NDFIP2: variants seen among roughly 807,000 people sequenced by gnomAD.
NDFIP2 encodes the protein NEDD4 family-interacting protein 2.
A neutral mutation model predicts 36.0 loss-of-function variants in NDFIP2; 19 were observed. That is an observed-to-expected ratio of 0.53 (90% CI 0.37 to 0.77). The LOEUF is 0.77. Among genes scored for constraint, NDFIP2 ranks in the 30% least tolerant of loss-of-function variants. The probability of loss-of-function intolerance (pLI) is 0.00; values close to 1 mark genes in which losing one functional copy is unlikely to be tolerated. For missense variants in NDFIP2, 446 were observed against 435.8 expected, an observed-to-expected ratio of 1.02 and a Z score of -0.21; for synonymous variants, 181 against 167.7, an observed-to-expected ratio of 1.08 and a Z score of -0.61.
chr13:79,526,271 A>T (rs1408682242), intron 2 of NDFIP2, among the ~76,000 whole-genome samples: 1 of 152,210 alleles, frequency 6.6e-6, no homozygotes, highest in Non-Finnish European at 1.5e-5. Context: ...TTTTTTGGCC[A>T]TGTTGAATTT....
Position 79,543,663 on chromosome 13 carries a change from A to G in NDFIP2, c.821A>G (p.Lys274Arg). Residue 274 changes from lysine to arginine, a missense_variant, in exon 5 of 8, where the codon AAA (lysine) becomes AGA (arginine). Physicochemically the swap from Lys to Arg is conservative, Grantham distance 26. Around this residue, in one of 2 missense-constraint regions of NDFIP2, gnomAD observed 77 missense variants for 131.0 expected, o/e 0.59. Transcript: ENST00000218652. ...AICGFGLSLI[K>R]WILIVRFSDY... ...TGCGGATTTGGCCTTTCCTTGATCA[A>G]ATGGATCCTTATTGTCAGGGTGAGT... 1 of 1,613,856 alleles carries G rather than the reference A, an allele frequency of 6.2e-7. No individual in the cohort carries two copies. The highest frequency in any genetic ancestry group is 8.5e-7 in the Non-Finnish European group (1 of 1,179,870).
chr13:79,523,282 G>A (rs9530932), intron 2 of NDFIP2, among the ~76,000 whole-genome samples: 3 of 152,030 alleles, frequency 2.0e-5, no homozygotes, highest in African/African-American at 2.4e-5. Flanking sequence ...GTGCAATGGC[G>A]TGATCTTGGC....
chr13:79,537,667 T>G (rs977631617), intron 3 of NDFIP2, among the ~76,000 whole-genome samples: 1 of 152,204 alleles, frequency 6.6e-6, no homozygotes, highest in African/African-American at 2.4e-5. Context: ...GTTTTTTTAT[T>G]TCAGGATAGC....
chr13:79,546,621 A>G, intron 5 of NDFIP2, among the ~76,000 whole-genome samples: 1 of 152,164 alleles, frequency 6.6e-6, no homozygotes, highest in East Asian at 1.9e-4. Context: ...AATGAGTCCA[A>G]AAGCATTTCT....
intron 1 of NDFIP2, among the ~76,000 whole-genome samples, chr13:79,491,369 G>A (rs1160394704): frequency 6.6e-6 from 1 of 152,116 alleles, no homozygotes; most frequent in Middle Eastern, 3.2e-3. Flanking sequence ...GATGGTGGTG[G>A]TTGTTTCTTT....
Position 79,481,230 on chromosome 13 carries a change from C to A in NDFIP2, c.27C>A (p.Val9=). The A allele has an allele frequency of 6.6e-7, 1 of 1,521,832 alleles. No individual in the cohort carries two copies. The highest frequency in any genetic ancestry group is 8.8e-7 in the Non-Finnish European group (1 of 1,140,334). The allele number at this position is 1,521,832 out of a possible 1,614,324, so 94.3% of individuals were successfully genotyped here. Residue 9 remains valine, a synonymous_variant, in exon 1 of 8, where the codon GTC becomes GTA. Transcript: ENST00000218652. The part of the protein sequence containing the change: MARRRSQR[V]CASGPSMLNS... ...TGGCACGCCGGCGGAGCCAGCGAGT[C>A]TGCGCGAGCGGTCCGAGCATGCTCA...
chr13:79,546,431 A>G (rs556491310), intron 5 of NDFIP2, among the ~76,000 whole-genome samples: 4 of 152,328 alleles, frequency 2.6e-5, no homozygotes, highest in African/African-American at 9.6e-5. Flanking sequence ...TGAAATAGTG[A>G]TGTTACATTA....
chr13:79,509,034 AT>A (rs147610374), intron 1 of NDFIP2, among the ~76,000 whole-genome samples: 12 of 151,264 alleles, frequency 7.9e-5, no homozygotes, highest in South Asian at 4.2e-4. Flanking sequence ...TAGAGTTAGC[AT>A]TTTTTTTTAA....
chr13:79,531,813 C>CAAT (rs1418454812), intron 2 of NDFIP2, among the ~76,000 whole-genome samples: 1 of 152,218 alleles, frequency 6.6e-6, no homozygotes, highest in East Asian at 1.9e-4. Flanking sequence ...TCCATATCAG[C>CAAT]AATAAAGTAG....
At chr13:79,548,257 A>G in intron 5 of NDFIP2, 71 bp from the exon 6 acceptor site, 2 of 1,140,556 alleles carry the variant, frequency 1.8e-6, no homozygotes, top group Admixed American at 4.3e-5. Context: ...TCATTATGAA[A>G]CTGAAGATAA....
intron 1 of NDFIP2, among the ~76,000 whole-genome samples, chr13:79,508,619 G>A (rs58930697): frequency 0.043 from 6,518 of 152,204 alleles, 482 homozygotes; most frequent in African/African-American, 0.15. Flanking sequence ...CACTCTCTTC[G>A]CCATCTTGGT....
chr13:79,508,619 G>C (rs58930697), intron 1 of NDFIP2, among the ~76,000 whole-genome samples: 1 of 152,096 alleles, frequency 6.6e-6, no homozygotes, highest in Non-Finnish European at 1.5e-5. Context: ...CACTCTCTTC[G>C]CCATCTTGGT....
At chr13:79,522,311 C>CAATAT (rs1874617682) in intron 2 of NDFIP2, among the ~76,000 whole-genome samples, 2 of 152,018 alleles carry the variant, frequency 1.3e-5, no homozygotes, top group Admixed American at 1.3e-4. Context: ...CAAGTTTTCA[C>CAATAT]AATATAATAA....
rs1212007582 is a variant in NDFIP2, at chr13:79,552,916, A to G, written c.*403A>G. 2 of 151,874 alleles carry G rather than the reference A, an allele frequency of 1.3e-5. No individual in the cohort carries two copies. The highest frequency in any genetic ancestry group is 3.0e-5 in the Non-Finnish European group (2 of 67,470). 9.4% of individuals were successfully genotyped at this position (151,874 alleles called of 1,614,324 possible). On this transcript the variant is annotated 3_prime_UTR_variant, in exon 8 of 8. Transcript: ENST00000218652. ...TTAGTATAATAAAAATGAAATTCTT[A>G]ACCATGTCAAATGATTTAGTTTCTG...
In NDFIP2 at chr13:79,553,100, A is replaced by G. The variant is rs150468706; in HGVS notation, c.*587A>G. 822 of 151,952 alleles carry G rather than the reference A, an allele frequency of 5.4e-3. 2 individuals carry two copies. Among genetic ancestry groups the G allele is most frequent in the Non-Finnish European group, 0.01 (687 of 67,462 alleles). The allele number at this position is 151,952 out of a possible 1,614,324, so 9.4% of individuals were successfully genotyped here. A position where few individuals can be genotyped will look rare whatever the true frequency, so the allele number is the denominator to read the frequency against. The stretch of plus-strand genomic sequence containing the variant: ...AAACTCTTCCTGTAAATAACCATGC[A>G]TAACTTACTTTCTGCAATGTTTTCT... On this transcript the variant is annotated 3_prime_UTR_variant, in exon 8 of 8. Transcript: ENST00000218652.
Position 79,551,093 on chromosome 13 carries a change from T to C in NDFIP2, c.984T>C (p.His328=). Residue 328 remains histidine, a synonymous_variant, in exon 7 of 8, where the codon CAT becomes CAC. Transcript: ENST00000218652. ...RNMSESMAAA[H]RTRYFFLL ...TGTCTGAAAGTATGGCAGCTGCTCA[T>C]AGAACAAGGTATTTCTTCTTATTGT... 6.2e-7 allele frequency: 1 copy of C among 1,600,302 alleles called. No individual in the cohort carries two copies. The highest frequency in any genetic ancestry group is 8.5e-7 in the Non-Finnish European group (1 of 1,171,848).
At chr13:79,531,008 G>A (rs889702170) in intron 2 of NDFIP2, among the ~76,000 whole-genome samples, 10 of 152,110 alleles carry the variant, frequency 6.6e-5, no homozygotes, top group African/African-American at 2.2e-4. Context: ...ACTATCTGTG[G>A]CAGCAATCGT....
intron 1 of NDFIP2, among the ~76,000 whole-genome samples, chr13:79,486,139 G>A (rs530940913): frequency 2.0e-4 from 31 of 152,144 alleles, no homozygotes; most frequent in Middle Eastern, 3.4e-3. Context: ...TTACGTATAT[G>A]CAATATTCCA....
intron 4 of NDFIP2, among the ~76,000 whole-genome samples, chr13:79,543,027 C>T (rs771712183): frequency 9.2e-5 from 14 of 152,086 alleles, no homozygotes; most frequent in Non-Finnish European, 1.3e-4. Context: ...CAGGTGCCCA[C>T]CACCACACCC....
Sources: allele counts gnomAD v4.1 joint callset (sites outside exome capture counted in the v4.1 genomes callset), GRCh38; gene constraint gnomAD v4.1.1; regional missense constraint gnomAD v4.1.1; transcripts MANE v1.5; gene names NCBI Gene and HGNC (gene_info 2026-07-23, HGNC 2026-07-21).